DDX42: variants seen among roughly 807,000 people sequenced by gnomAD.
DDX42 encodes DEAD-box helicase 42, also known as ATP-dependent RNA helicase DDX42.
In DDX42, 22 loss-of-function variants were observed where a neutral mutation model predicts 101.5. The observed-to-expected ratio is 0.22, with a 90% CI of 0.15 to 0.31. The LOEUF is 0.31. Among genes scored for constraint, DDX42 ranks in the 10% least tolerant of loss-of-function variants. DDX42 has a pLI of 1.00. For synonymous variants in DDX42, 402 were observed against 401.2 expected (o/e 1.00, Z -0.02); for missense variants, 849 against 1,199.9 (o/e 0.71, Z 4.32).
Position 63,819,093 on chromosome 17 carries a change from G to A in DDX42, c.*695G>A, listed in dbSNP as rs1163632415. The stretch of plus-strand genomic sequence containing the variant: ...TATTGCTAAATTTAAAATTAAACAA[G>A]AAACCCAACAACAGCTTTTAAAGTG... On this transcript the variant is annotated 3_prime_UTR_variant, in exon 18 of 18. Transcript: ENST00000389924. The A allele has an allele frequency of 6.6e-6, 1 of 152,424 alleles. No homozygotes were observed. Among genetic ancestry groups the A allele is most frequent in the Non-Finnish European group, 1.5e-5 (1 of 68,044 alleles). 9.4% of individuals were successfully genotyped at this position (152,424 alleles called of 1,614,324 possible).
chr17:63,816,977 AGCATTTC>A lies in DDX42; in HGVS notation c.2112+12_2112+18del. On this transcript the variant is annotated intron_variant, in intron 17 of 17. Coordinates refer to ENST00000389924, the MANE Select transcript of DDX42 (RefSeq NM_203499.3). ...AAAGCAGCTTTCCAGGTCTGAAATA[AGCATTTC>A]ATTAAAAGCACTTTCAGCAGTAACT... is the stretch of plus-strand genomic sequence containing the variant. 1.9e-6 allele frequency: 3 copies of A among 1,610,990 alleles called. No homozygotes were observed. Among genetic ancestry groups the A allele is most frequent in the Non-Finnish European group, 1.7e-6 (2 of 1,177,830 alleles).
chr17:63,790,629 C>T (rs563920127), intron 2 of DDX42, among the ~76,000 whole-genome samples: 3 of 152,204 alleles, frequency 2.0e-5, no homozygotes, highest in African/African-American at 4.8e-5. Context: ...GGTGTGGTGG[C>T]GGCGCATATA....
At chr17:63,781,304 A>G (rs534924470) in intron 1 of DDX42, among the ~76,000 whole-genome samples, 2 of 151,802 alleles carry the variant, frequency 1.3e-5, no homozygotes, top group African/African-American at 4.8e-5. Flanking sequence ...CGCAAGCTCT[A>G]CCTCCCAGGT....
chr17:63,807,609 G>A, intron 8 of DDX42, 115 bp from the exon 9 acceptor site: 1 of 947,652 alleles, frequency 1.1e-6, no homozygotes, highest in South Asian at 1.6e-5. Context: ...CACCAGGTAT[G>A]TTTTGTTCCA....
rs759546729 is a variant in DDX42 at position 63,817,866 on chromosome 17, G to C, written c.2285G>C (p.Gly762Ala). Residue 762 changes from glycine to alanine, a missense_variant, in exon 18 of 18, where the codon GGC (glycine) becomes GCC (alanine). By Grantham distance (60) the Gly-to-Ala change is moderately conservative (BLOSUM62 0). Transcript: ENST00000389924. ...PDSPVTSAAK[G>A]IPGFGNTGNI... ...AGCCCCGTCACCAGTGCCGCCAAGG[G>C]CATCCCAGGCTTTGGCAATACTGGC... 5.6e-6 allele frequency: 9 copies of C among 1,614,040 alleles called. No individual in the cohort carries two copies. Among genetic ancestry groups the C allele is most frequent in the Non-Finnish European group, 7.6e-6 (9 of 1,180,048 alleles).
At chr17:63,813,009 G>T (rs1284415198) in intron 14 of DDX42, among the ~76,000 whole-genome samples, 1 of 152,176 alleles carries the variant, frequency 6.6e-6, no homozygotes, top group Non-Finnish European at 1.5e-5. Context: ...TGGCAACAGA[G>T]CAAGACTCCG....
intron 15 of DDX42, among the ~76,000 whole-genome samples, chr17:63,814,165 GT>G (rs780615437): frequency 6.6e-6 from 1 of 152,130 alleles, no homozygotes; most frequent in Non-Finnish European, 1.5e-5. Context: ...CCTCTTAACT[GT>G]TCCTTGCAGA....
intron 1 of DDX42, chr17:63,775,156 A>G (rs1191265728): frequency 2.0e-5 from 3 of 152,656 alleles, no homozygotes; most frequent in Non-Finnish European, 2.9e-5. Context: ...TGCAGAGCCA[A>G]GCTCATTTCT....
intron 17 of DDX42, chr17:63,817,423 A>T (rs1356599653): frequency 1.0e-5 from 4 of 381,414 alleles, no homozygotes; most frequent in Non-Finnish European, 1.9e-5. Context: ...AATGCAGATA[A>T]ATGTGCTAAA....
intron 2 of DDX42, among the ~76,000 whole-genome samples, chr17:63,788,264 C>T (rs550855500): frequency 5.3e-5 from 8 of 150,608 alleles, no homozygotes; most frequent in Admixed American, 1.3e-4. Flanking sequence ...AAACACAGGC[C>T]GTTGTCAGAA....
chr17:63,787,214 G>C lies in DDX42; in HGVS notation c.165G>C (p.Gln55His). 6.2e-7 allele frequency: 1 copy of C among 1,614,148 alleles called. No homozygotes were observed. The highest frequency in any genetic ancestry group is 8.5e-7 in the Non-Finnish European group (1 of 1,180,018). The change falls in exon 2 of 18, where the codon CAG becomes CAC. Residue 55 changes from glutamine (Q) to histidine (H), a missense_variant. Gln to His is a conservative substitution (Grantham distance 24, BLOSUM62 0). This residue lies in a region of DDX42 where 92 missense variants were observed against 106.7 expected (regional missense o/e 0.86). Transcript: ENST00000389924. ...SSGFGKSAPP[Q>H]LPSFYKIGSK... ...GATTTGGAAAGTCAGCTCCACCACA[G>C]CTTCCTTCTTTCTACAAAATTGGAT...
chr17:63,816,810 A>C, intron 16 of DDX42, 58 bp from the exon 17 acceptor site: 2 of 1,409,836 alleles, frequency 1.4e-6, no homozygotes, highest in Non-Finnish European at 2.0e-6. Context: ...GGCCTAGTCT[A>C]TAGCAGTGAG....
At position 63,817,869 on chromosome 17, in the gene DDX42, T is replaced by C. The variant is rs1021548604; in HGVS notation, c.2288T>C (p.Ile763Thr). The part of the protein sequence containing the change: ...DSPVTSAAKG[I>T]PGFGNTGNIS... ...CCCGTCACCAGTGCCGCCAAGGGCA[T>C]CCCAGGCTTTGGCAATACTGGCAAC... The change falls in exon 18 of 18, where the codon ATC (isoleucine) becomes ACC (threonine). Residue 763 changes from isoleucine to threonine, a missense_variant. Coordinates refer to ENST00000389924, the MANE Select transcript of DDX42 (RefSeq NM_203499.3). 3 of 1,614,180 alleles carry C rather than the reference T, an allele frequency of 1.9e-6. No homozygotes were observed. The South Asian group carries it at 3.3e-5, about 18-fold the overall frequency.
chr17:63,807,808 A>G lies in DDX42; in HGVS notation c.931A>G (p.Met311Val), dbSNP rs567500788. Residue 311 changes from methionine (M) to valine (V), a missense_variant, in exon 9 of 18, where the codon ATG (methionine) becomes GTG (valine). This residue lies in a region of DDX42 where 370 missense variants were observed against 608.8 expected (regional missense o/e 0.61). Coordinates refer to ENST00000389924, the MANE Select transcript of DDX42 (RefSeq NM_203499.3). ...SGKTAAFIWP[M>V]LIHIMDQKEL... The stretch of plus-strand genomic sequence containing the variant: ...GAAAACTGCAGCCTTCATTTGGCCC[A>G]TGTTGATTCATATAATGGACCAGAA... 5.6e-6 allele frequency: 9 copies of G among 1,614,058 alleles called. No individual in the cohort carries two copies. Among genetic ancestry groups the G allele is most frequent in the Non-Finnish European group, 7.6e-6 (9 of 1,180,042 alleles).
intron 6 of DDX42, among the ~76,000 whole-genome samples, chr17:63,804,247 C>G (rs1283619530): frequency 2.0e-5 from 3 of 151,168 alleles, no homozygotes; most frequent in African/African-American, 7.3e-5. Flanking sequence ...GAGTTTGAGT[C>G]TAGCCTGGGC....
chr17:63,797,352 C>CAAAAAAA lies in DDX42; in HGVS notation c.373-674_373-668dup, dbSNP rs59892636. 5.0e-5 allele frequency among the ~76,000 whole-genome samples: 5 copies of CAAAAAAA among 99,980 alleles called. 1 individual carries two copies. The highest frequency in any genetic ancestry group is 3.8e-4 in the South Asian group (1 of 2,652). The allele number at this position is 99,980 out of a possible 152,430, so 65.6% of individuals were successfully genotyped here. On this transcript the variant is annotated intron_variant, in intron 3 of 17. Transcript: ENST00000389924. ...GGGCAACGAGAGCGAAACTCCATCTCAAAAAAAAAAAAAAAAAAGAATTGC... is the reference window on the plus strand; with the variant it reads ...GGGCAACGAGAGCGAAACTCCATCTCAAAAAAAAAAAAAAAAAAAAAAAAAGAATTGC...
intron 2 of DDX42, among the ~76,000 whole-genome samples, chr17:63,791,683 G>T (rs748274302): frequency 3.3e-5 from 5 of 152,062 alleles, no homozygotes; most frequent in Non-Finnish European, 7.4e-5. Context: ...TGAGGTTTTT[G>T]GTCTTAAAAG....
chr17:63,792,005 C>G (rs1240382109), intron 2 of DDX42, among the ~76,000 whole-genome samples: 1 of 142,114 alleles, frequency 7.0e-6, no homozygotes. Context: ...CCAGATTGTG[C>G]CACTGCACTC....
At chr17:63,780,446 T>A (rs2039474581) in intron 1 of DDX42, among the ~76,000 whole-genome samples, 1 of 152,190 alleles carries the variant, frequency 6.6e-6, no homozygotes, top group Non-Finnish European at 1.5e-5. Context: ...TCATAAATAC[T>A]GGGATGAATT....
Sources: allele counts gnomAD v4.1 joint callset (sites outside exome capture counted in the v4.1 genomes callset), GRCh38; gene constraint gnomAD v4.1.1; regional missense constraint gnomAD v4.1.1; transcripts MANE v1.5; gene names NCBI Gene and HGNC (gene_info 2026-07-23, HGNC 2026-07-21).